The following SLC27A2 variants were observed in gnomAD, a reference collection of about 807,000 sequenced individuals.
The protein encoded by SLC27A2 is long-chain fatty acid transport protein 2.
SLC27A2 carries 54 observed loss-of-function variants against 60.0 expected under a neutral mutation model. That is an observed-to-expected ratio of 0.90 (90% CI 0.72 to 1.13). The LOEUF is 1.13. Ranked by LOEUF, SLC27A2 falls within the 50% of genes most tolerant of loss-of-function variation. The pLI is 0.00. For synonymous variants in SLC27A2, 297 were observed against 297.6 expected (o/e 1.00, Z 0.02); for missense variants, 739 against 777.6 (o/e 0.95, Z 0.59).
At position 50,205,268 on chromosome 15, in the gene SLC27A2, TC is replaced by T; in HGVS notation, c.878del (p.Ser293Ter). 6.2e-7 allele frequency: 1 copy of T among 1,607,852 alleles called. No individual in the cohort carries two copies. The highest frequency in any genetic ancestry group is 8.5e-7 in the Non-Finnish European group (1 of 1,176,072). ...TACTCTTGCCTTGCGGACTAAATTT[TC>T]AGCCAGCCAGTTTTGGGATGACTGC... Reference protein sequence around the residue: ...GATLALRTKFSASQFWDDCRK... With the variant: ...GATLALRTKFXASQFWDDCRK... On this transcript the variant is annotated frameshift_variant, in exon 4 of 10. Transcript: ENST00000267842. LOFTEE classifies it high-confidence loss of function.
At chr15:50,228,074 G>A (rs2140913505) in intron 7 of SLC27A2, among the ~76,000 whole-genome samples, 1 of 152,168 alleles carries the variant, frequency 6.6e-6, no homozygotes, top group South Asian at 2.1e-4. Context: ...ATACTTCTGG[G>A]AGGGCTAAAG....
At chr15:50,213,508 A>G (rs927894247) in intron 4 of SLC27A2, among the ~76,000 whole-genome samples, 4 of 152,204 alleles carry the variant, frequency 2.6e-5, no homozygotes, top group African/African-American at 9.6e-5. Flanking sequence ...TACACATTCT[A>G]TTCAACAGCG....
intron 2 of SLC27A2, among the ~76,000 whole-genome samples, chr15:50,199,631 A>C (rs2045049711): frequency 6.6e-6 from 1 of 152,144 alleles, no homozygotes; most frequent in African/African-American, 2.4e-5. Context: ...ATTTTCTCTG[A>C]ATCAAATATT....
Position 50,223,160 on chromosome 15 carries a change from G to C in SLC27A2, c.1167+1G>C, listed in dbSNP as rs1412552729. 19 of 1,605,500 alleles carry C rather than the reference G, an allele frequency of 1.2e-5. No homozygotes were observed. The highest frequency in any genetic ancestry group is 1.6e-5 in the Non-Finnish European group (19 of 1,174,828). Reference sequence around the variant, plus strand: ...TGGAAGAGTAAACTACCTACAGAAAGTAAGTACATTGAAAAATGAGAGCAT... The same window carrying C: ...TGGAAGAGTAAACTACCTACAGAAACTAAGTACATTGAAAAATGAGAGCAT... On this transcript the variant is annotated splice_donor_variant, in intron 5 of 9. Coordinates refer to ENST00000267842, the MANE Select transcript of SLC27A2 (RefSeq NM_003645.4). LOFTEE classifies it high-confidence loss of function.
chr15:50,208,408 G>A (rs2045129689), intron 4 of SLC27A2, among the ~76,000 whole-genome samples: 1 of 152,194 alleles, frequency 6.6e-6, no homozygotes, highest in Non-Finnish European at 1.5e-5. Context: ...GAGCAGGATA[G>A]TTAACCTCTC....
intron 4 of SLC27A2, among the ~76,000 whole-genome samples, chr15:50,219,347 C>T (rs914525008): frequency 1.3e-5 from 2 of 152,148 alleles, no homozygotes; most frequent in Non-Finnish European, 2.9e-5. Context: ...GTGAATACAG[C>T]ATTGTTCACT....
intron 4 of SLC27A2, among the ~76,000 whole-genome samples, chr15:50,217,446 C>T (rs959196711): frequency 1.3e-5 from 2 of 152,032 alleles, no homozygotes; most frequent in Non-Finnish European, 2.9e-5. Context: ...ACCAGGGAGA[C>T]CCCACCAGCT....
chr15:50,215,520 A>G (rs2045188847), intron 4 of SLC27A2, among the ~76,000 whole-genome samples: 1 of 152,220 alleles, frequency 6.6e-6, no homozygotes, highest in South Asian at 2.1e-4. Flanking sequence ...AAGACTAAGC[A>G]AAAAGAACAA....
intron 1 of SLC27A2, among the ~76,000 whole-genome samples, chr15:50,187,777 A>G (rs2044936709): frequency 6.6e-6 from 1 of 152,216 alleles, no homozygotes; most frequent in South Asian, 2.1e-4. Context: ...TGATAAAGGA[A>G]AAATGCTTAC....
At chr15:50,206,329 A>G (rs1279029701) in intron 4 of SLC27A2, among the ~76,000 whole-genome samples, 1 of 152,090 alleles carries the variant, frequency 6.6e-6, no homozygotes, top group Non-Finnish European at 1.5e-5. Flanking sequence ...AATGCAGTAA[A>G]CTCACCAGAT....
At chr15:50,190,446 G>A (rs755335323) in intron 1 of SLC27A2, among the ~76,000 whole-genome samples, 8 of 152,108 alleles carry the variant, frequency 5.3e-5, no homozygotes, top group Non-Finnish European at 7.4e-5. Context: ...CACTGAGGCA[G>A]TCTAGTAGCA....
At chr15:50,186,471 C>T (rs1249339915) in intron 1 of SLC27A2, among the ~76,000 whole-genome samples, 1 of 152,080 alleles carries the variant, frequency 6.6e-6, no homozygotes, top group Non-Finnish European at 1.5e-5. Context: ...CAGTCTCGCT[C>T]TGTTGCCCAG....
At chr15:50,234,587 CAAAA>C (rs767076726) in intron 9 of SLC27A2, among the ~76,000 whole-genome samples, 1 of 61,550 alleles carries the variant, frequency 1.6e-5, no homozygotes, top group African/African-American at 5.5e-5. Context: ...ACTCCATCTC[CAAAA>C]AAAAAAAAAA....
chr15:50,199,402 A>G (rs960475428), intron 2 of SLC27A2, among the ~76,000 whole-genome samples: 19 of 150,642 alleles, frequency 1.3e-4, no homozygotes, highest in African/African-American at 4.4e-4. Context: ...TGCATGAACC[A>G]GGGAGGCGGA....
At chr15:50,183,972 G>A (rs950338218) in intron 1 of SLC27A2, among the ~76,000 whole-genome samples, 6 of 140,206 alleles carry the variant, frequency 4.3e-5, no homozygotes, top group Non-Finnish European at 7.7e-5. Flanking sequence ...ATCCAACTTC[G>A]AAGCCATGCT....
intron 4 of SLC27A2, among the ~76,000 whole-genome samples, chr15:50,216,614 AT>A (rs2045198356): frequency 1.8e-4 from 2 of 11,178 alleles, no homozygotes; most frequent in Non-Finnish European, 4.1e-4. Flanking sequence ...GTGTGTGTAT[AT>A]ATATATATAT....
chr15:50,229,146 A>G, intron 8 of SLC27A2, 104 bp downstream of exon 8: 1 of 732,740 alleles, frequency 1.4e-6, no homozygotes. Context: ...CCAGAGTTAA[A>G]CAGTTCTTTC....
intron 3 of SLC27A2, among the ~76,000 whole-genome samples, chr15:50,204,239 C>T (rs1269571828): frequency 6.6e-6 from 1 of 151,876 alleles, no homozygotes; most frequent in East Asian, 1.9e-4. Context: ...TTGAGGTGGG[C>T]GAATCACTTG....
At chr15:50,210,367 A>G (rs181052707) in intron 4 of SLC27A2, among the ~76,000 whole-genome samples, 174 of 152,340 alleles carry the variant, frequency 1.1e-3, no homozygotes, top group Non-Finnish European at 1.7e-3. Context: ...TCCCGAACAC[A>G]TACTGGAGAA....
Sources: allele counts gnomAD v4.1 joint callset (sites outside exome capture counted in the v4.1 genomes callset), GRCh38; gene constraint gnomAD v4.1.1; transcripts MANE v1.5; gene names NCBI Gene and HGNC (gene_info 2026-07-23, HGNC 2026-07-21).